Variants in HUWE1 observed in about 807,000 individuals in gnomAD.
HUWE1 encodes the protein HECT, UBA and WWE domain containing E3 ubiquitin protein ligase 1.
Under a neutral mutation model 299.4 loss-of-function variants are expected in HUWE1, and 18 were observed. The observed-to-expected ratio is 0.06, with a 90% CI of 0.04 to 0.09. The LOEUF (loss-of-function observed/expected upper bound fraction) is 0.09, where lower values mean the gene tolerates loss of function less well. Ranked by LOEUF, HUWE1 falls within the 10% of genes least tolerant of loss-of-function variation. The pLI, the probability that HUWE1 is intolerant of heterozygous loss-of-function variation, is 1.00. For synonymous variants in HUWE1, 1,317 were observed against 1,286.1 expected (o/e 1.02, Z -0.51); for missense variants, 1,832 against 3,462.3 (o/e 0.53, Z 11.82).
intron 47 of HUWE1, among the ~76,000 whole-genome samples, chrX:53,572,749 A>G (rs2062894301): frequency 8.9e-6 from 1 of 112,050 alleles, no homozygotes; most frequent in Non-Finnish European, 1.9e-5. Flanking sequence ...CAATACTGCT[A>G]CCACATCTGG....
intron 70 of HUWE1, among the ~76,000 whole-genome samples, chrX:53,546,207 G>A (rs1472810922): frequency 2.7e-5 from 3 of 110,908 alleles, no homozygotes; most frequent in African/African-American, 3.3e-5. Flanking sequence ...CTGTGTGCCG[G>A]GCAGCGGGGA....
rs1602489464 is a variant in HUWE1 at position 53,536,256 on chromosome X, G to C, written c.12426-4C>G. 8.6e-7 allele frequency: 1 copy of C among 1,166,420 alleles called. No individual in the cohort carries two copies. Among genetic ancestry groups the C allele is most frequent in the Non-Finnish European group, 1.2e-6 (1 of 854,546 alleles). Reference sequence around the variant, plus strand: ...TTCACTCTCCATATCTGTATATCTAGAAAAACACAATTATACAGGGTCATG... The same window carrying C: ...TTCACTCTCCATATCTGTATATCTACAAAAACACAATTATACAGGGTCATG... On this transcript the variant is annotated splice_region_variant and splice_polypyrimidine_tract_variant and intron_variant, in intron 79 of 83. Coordinates refer to ENST00000262854, the MANE Select transcript of HUWE1 (RefSeq NM_031407.7).
intron 28 of HUWE1, among the ~76,000 whole-genome samples, chrX:53,602,054 CAT>C (rs782554112): frequency 9.0e-6 from 1 of 111,670 alleles, no homozygotes; most frequent in Non-Finnish European, 1.9e-5. Context: ...ACATGAAACA[CAT>C]ATATAATTTA....
At position 53,548,026 on chromosome X, in the gene HUWE1, G is replaced by A; in HGVS notation, c.10283C>T (p.Ala3428Val). ...GTTCATGAGCTGCCCCAGTGGAGAG[G>A]CCTCGAGGCTGTATGGAGAGGTTTC... ...EGETSPYSLE[A>V]SPLGQLMNML... Residue 3428 changes from alanine (A) to valine (V), a missense_variant, in exon 68 of 84, where the codon GCC becomes GTC. Physicochemically the swap from Ala to Val is moderately conservative, Grantham distance 64. Around this residue, in one of 15 missense-constraint regions of HUWE1, gnomAD observed 119 missense variants for 124.6 expected, o/e 0.96. Coordinates refer to ENST00000262854, the MANE Select transcript of HUWE1 (RefSeq NM_031407.7). The A allele has an allele frequency of 8.3e-7, 1 of 1,211,089 alleles. No individual in the cohort carries two copies. Among genetic ancestry groups the A allele is most frequent in the Non-Finnish European group, 1.1e-6 (1 of 895,169 alleles).
At chrX:53,601,396 C>T (rs987228265) in intron 28 of HUWE1, among the ~76,000 whole-genome samples, 6 of 109,849 alleles carry the variant, frequency 5.5e-5, no homozygotes, top group Non-Finnish European at 1.1e-4. Flanking sequence ...GTTGCCCAAG[C>T]GGGTCTCGAA....
intron 7 of HUWE1, among the ~76,000 whole-genome samples, chrX:53,642,790 C>T (rs781952319): frequency 8.9e-6 from 1 of 112,558 alleles, no homozygotes; most frequent in African/African-American, 3.2e-5. Flanking sequence ...ATTGCCTATC[C>T]ATATCCTTTG....
chrX:53,639,980 C>T (rs1414186537), intron 7 of HUWE1, among the ~76,000 whole-genome samples: 6 of 112,636 alleles, frequency 5.3e-5, no homozygotes, highest in African/African-American at 1.9e-4. Context: ...GGTTCTTATA[C>T]ACATGCAAGT....
At chrX:53,613,841 A>G (rs1259491845) in intron 23 of HUWE1, among the ~76,000 whole-genome samples, 1 of 111,943 alleles carries the variant, frequency 8.9e-6, no homozygotes, top group Non-Finnish European at 1.9e-5. Context: ...TGTTTTTCAC[A>G]CGTGCCTGAA....
In HUWE1 at chrX:53,604,585, T is replaced by G; in HGVS notation, c.2742+4A>C. Reference sequence around the variant, plus strand: ...AATATGTTCACCCCTAAGGTTATTTTTACCTGTCCAACTCTGCAAGTATGA... The same window carrying G: ...AATATGTTCACCCCTAAGGTTATTTGTACCTGTCCAACTCTGCAAGTATGA... On this transcript the variant is annotated splice_donor_region_variant and intron_variant, in intron 26 of 83. Transcript: ENST00000262854. 8.3e-7 allele frequency: 1 copy of G among 1,211,234 alleles called. No individual in the cohort carries two copies. Among genetic ancestry groups the G allele is most frequent in the Middle Eastern group, 2.3e-4 (1 of 4,348 alleles).
intron 77 of HUWE1, among the ~76,000 whole-genome samples, chrX:53,537,988 A>G (rs2061142153): frequency 1.8e-5 from 2 of 111,695 alleles, no homozygotes; most frequent in African/African-American, 6.5e-5. Context: ...AGGCATAGGG[A>G]TGACTCCAGG....
At chrX:53,613,687 T>C (rs782042959) in intron 23 of HUWE1, among the ~76,000 whole-genome samples, 2 of 111,747 alleles carry the variant, frequency 1.8e-5, no homozygotes, top group Admixed American at 1.9e-4. Context: ...TTTACAGTCA[T>C]ATAGTAAATT....
intron 6 of HUWE1, among the ~76,000 whole-genome samples, chrX:53,646,987 G>C (rs1266007706): frequency 8.9e-6 from 1 of 111,884 alleles, no homozygotes; most frequent in African/African-American, 3.2e-5. Context: ...CTAACACTTA[G>C]AGGAGTAGTA....
intron 12 of HUWE1, among the ~76,000 whole-genome samples, chrX:53,629,871 T>C (rs1211341095): frequency 8.9e-6 from 1 of 112,332 alleles, no homozygotes; most frequent in East Asian, 2.8e-4. Flanking sequence ...GGGATGGAAA[T>C]AGGAAAAGCT....
chrX:53,555,418 C>T (rs781865456), intron 60 of HUWE1, among the ~76,000 whole-genome samples: 6 of 107,985 alleles, frequency 5.6e-5, no homozygotes, highest in Middle Eastern at 5.2e-3. Context: ...CTTCACCTCC[C>T]GGGCTCAGGT....
intron 49 of HUWE1, among the ~76,000 whole-genome samples, chrX:53,567,528 TAGAA>T (rs1350330559): frequency 1.8e-5 from 2 of 111,669 alleles, no homozygotes; most frequent in Non-Finnish European, 3.8e-5. Context: ...CAAATGTAAA[TAGAA>T]AGAAATTAAG....
At position 53,629,989 on chromosome X, in the gene HUWE1, T is replaced by C. The variant is rs185304799; in HGVS notation, c.863-373A>G. On this transcript the variant is annotated intron_variant, in intron 12 of 83. Coordinates refer to ENST00000262854, the MANE Select transcript of HUWE1 (RefSeq NM_031407.7). ...ATGCTTCTGCTTTTACTGTAAACACTTGTAAAGAACAGAATTTATGGACCA... is the reference window on the plus strand; with the variant it reads ...ATGCTTCTGCTTTTACTGTAAACACCTGTAAAGAACAGAATTTATGGACCA... Among the ~76,000 whole-genome samples the C allele has an allele frequency of 1.0e-3, 117 of 112,500 alleles. 1 individual carries two copies. The highest frequency in any genetic ancestry group is 3.4e-3 in the African/African-American group (106 of 31,047).
At chrX:53,680,477 C>A in intron 2 of HUWE1, 1 of 127,821 alleles carries the variant, frequency 7.8e-6, no homozygotes, top group East Asian at 2.2e-4. Flanking sequence ...TTTATACCCT[C>A]AATATAAACA....
At chrX:53,628,403 C>G in intron 15 of HUWE1, 90 bp downstream of exon 15, 1 of 951,255 alleles carries the variant, frequency 1.1e-6, no homozygotes, top group Non-Finnish European at 1.4e-6. Flanking sequence ...ATTATTTGCC[C>G]TCACTGTGAA....
At chrX:53,656,542 C>CAAAA (rs1275218246) in intron 3 of HUWE1, among the ~76,000 whole-genome samples, 2 of 13,723 alleles carry the variant, frequency 1.5e-4, no homozygotes, top group African/African-American at 2.2e-4. Context: ...ACTCCAGTCT[C>CAAAA]AAAAAAAAAA....
Sources: allele counts gnomAD v4.1 joint callset (sites outside exome capture counted in the v4.1 genomes callset), GRCh38; gene constraint gnomAD v4.1.1; regional missense constraint gnomAD v4.1.1; transcripts MANE v1.5; gene names NCBI Gene and HGNC (gene_info 2026-07-23, HGNC 2026-07-21).